TOX2: variants seen among roughly 807,000 people sequenced by gnomAD.
TOX2 encodes TOX high mobility group box family member 2.
Under a neutral mutation model 47.4 loss-of-function variants are expected in TOX2, and 15 were observed. The ratio of observed to expected loss-of-function variants is 0.32; its 90% confidence interval spans 0.21 to 0.49. TOX2 has a LOEUF of 0.49. TOX2 is among the 20% of genes least tolerant of loss of function. TOX2 has a pLI of 0.99. For missense variants in TOX2, 622 were observed against 673.1 expected, an observed-to-expected ratio of 0.92 and a Z score of 0.84; for synonymous variants, 290 against 296.6, an observed-to-expected ratio of 0.98 and a Z score of 0.23.
chr20:43,965,810 A>C (rs1423801510), intron 1 of TOX2, among the ~76,000 whole-genome samples: 1 of 152,196 alleles, frequency 6.6e-6, no homozygotes, highest in Non-Finnish European at 1.5e-5. Flanking sequence ...GAAGAGGCTG[A>C]CCTTGAACAG....
At chr20:43,935,577 A>G (rs985339537) in intron 1 of TOX2, among the ~76,000 whole-genome samples, 2 of 152,162 alleles carry the variant, frequency 1.3e-5, no homozygotes, top group Non-Finnish European at 2.9e-5. Context: ...CCATGTCACA[A>G]ATGGGATACC....
chr20:44,065,524 G>A (rs576411468), intron 6 of TOX2, among the ~76,000 whole-genome samples, 188 bp from the exon 7 acceptor site: 1 of 152,214 alleles, frequency 6.6e-6, no homozygotes, highest in South Asian at 2.1e-4. Flanking sequence ...GATAAAAGCA[G>A]TAGGTGACTG....
chr20:44,051,547 T>C lies in TOX2; in HGVS notation c.651+2T>C, dbSNP rs1281017091. 6.3e-7 allele frequency: 1 copy of C among 1,582,926 alleles called. No homozygotes were observed. The highest frequency in any genetic ancestry group is 1.2e-5 in the South Asian group (1 of 86,678). On this transcript the variant is annotated splice_donor_variant, in intron 4 of 8. Coordinates refer to ENST00000341197, the MANE Select transcript of TOX2 (RefSeq NM_001098797.2). LOFTEE classifies it high-confidence loss of function. ...GAGGAGTCGGAAGTGCATTTCAAGG[T>C]ATGTGCGGTGGAGGAACAGAGCCTG...
rs544815391 is a variant in TOX2 at position 44,057,959 on chromosome 20, A to G, written c.879+3433A>G. The stretch of plus-strand genomic sequence containing the variant: ...CTCATGCTTATTCACATAGCAAGTC[A>G]GAGTTCCAAGAGCAGTTTTAGAGCA... On this transcript the variant is annotated intron_variant, in intron 5 of 8. Coordinates refer to ENST00000341197, the MANE Select transcript of TOX2 (RefSeq NM_001098797.2). Among the ~76,000 whole-genome samples the G allele has an allele frequency of 1.1e-3, 160 of 152,354 alleles. 3 individuals carry two copies. The highest frequency in any genetic ancestry group is 4.8e-3 in the Admixed American group (73 of 15,310).
chr20:44,023,239 G>T (rs2071002993), intron 3 of TOX2, among the ~76,000 whole-genome samples: 1 of 151,990 alleles, frequency 6.6e-6, no homozygotes, highest in Non-Finnish European at 1.5e-5. Context: ...GGCCAGCCTG[G>T]CCAACATGGT....
chr20:44,020,576 AAGAC>A (rs2070959804), intron 3 of TOX2, among the ~76,000 whole-genome samples: 2 of 152,256 alleles, frequency 1.3e-5, no homozygotes, highest in East Asian at 3.8e-4. Context: ...GGGATCCAGC[AAGAC>A]AGACTACTGC....
intron 2 of TOX2, among the ~76,000 whole-genome samples, chr20:43,984,775 A>G (rs1292111209): frequency 2.0e-5 from 3 of 152,100 alleles, no homozygotes; most frequent in African/African-American, 7.2e-5. Flanking sequence ...ATCCCAGGAA[A>G]TGTTCACTCT....
Position 44,051,468 on chromosome 20 carries a change from T to G in TOX2, c.574T>G (p.Ser192Ala), listed in dbSNP as rs2071509641. ...GAGCAGCATCGCCCACAGCTCCCCA[T>G]CACCGCCGGGGAGCAAGTCAGCGAC... ...IRSSIAHSSP[S>A]PPGSKSATPS... Residue 192 changes from serine (S) to alanine (A), a missense_variant, in exon 4 of 9, where the codon TCA becomes GCA. Around this residue, in one of 3 missense-constraint regions of TOX2, gnomAD observed 307 missense variants for 327.3 expected, o/e 0.94. Transcript: ENST00000341197. 3.7e-6 allele frequency: 6 copies of G among 1,613,634 alleles called. No individual in the cohort carries two copies. Among genetic ancestry groups the G allele is most frequent in the Non-Finnish European group, 5.1e-6 (6 of 1,179,766 alleles).
intron 5 of TOX2, 78 bp from the exon 6 acceptor site, chr20:44,064,699 C>A: frequency 1.4e-6 from 2 of 1,383,650 alleles, no homozygotes; most frequent in Non-Finnish European, 2.0e-6. Flanking sequence ...TGAATCCATG[C>A]CTTCCCACCC....
At chr20:43,987,126 A>T (rs541934036) in intron 2 of TOX2, among the ~76,000 whole-genome samples, 80 of 152,322 alleles carry the variant, frequency 5.3e-4, no homozygotes, top group Admixed American at 1.8e-3. Flanking sequence ...CCAAATGCCC[A>T]TCAAGAGTAG....
intron 1 of TOX2, among the ~76,000 whole-genome samples, chr20:43,958,503 G>A (rs2069703694): frequency 6.6e-6 from 1 of 152,116 alleles, no homozygotes; most frequent in African/African-American, 2.4e-5. Flanking sequence ...CTCTCACCTG[G>A]CCTATCTCCA....
At chr20:44,046,586 T>C (rs2071411929) in intron 3 of TOX2, among the ~76,000 whole-genome samples, 1 of 152,214 alleles carries the variant, frequency 6.6e-6, no homozygotes, top group African/African-American at 2.4e-5. Flanking sequence ...AAATGTAGTC[T>C]ATACATACAA....
chr20:43,998,611 A>G (rs2145575506), intron 2 of TOX2, among the ~76,000 whole-genome samples: 1 of 152,274 alleles, frequency 6.6e-6, no homozygotes, highest in East Asian at 1.9e-4. Flanking sequence ...GTAGATTTAT[A>G]TCATTTATTG....
chr20:44,060,408 C>T (rs1476947279), intron 5 of TOX2, among the ~76,000 whole-genome samples: 1 of 152,140 alleles, frequency 6.6e-6, no homozygotes, highest in African/African-American at 2.4e-5. Context: ...ATGGACTTAA[C>T]AGATATTTAT....
At chr20:43,968,111 C>T (rs2069892752) in intron 1 of TOX2, among the ~76,000 whole-genome samples, 2 of 152,162 alleles carry the variant, frequency 1.3e-5, no homozygotes, top group East Asian at 1.9e-4. Flanking sequence ...GCCGATCATC[C>T]GTCTATCCAT....
At chr20:43,962,127 A>G (rs1202559029) in intron 1 of TOX2, among the ~76,000 whole-genome samples, 1 of 152,236 alleles carries the variant, frequency 6.6e-6, no homozygotes, top group African/African-American at 2.4e-5. Context: ...TGGAGCTGAG[A>G]GAGAGGATAA....
intron 1 of TOX2, among the ~76,000 whole-genome samples, chr20:43,958,071 T>C (rs1057317075): frequency 6.6e-6 from 1 of 152,218 alleles, no homozygotes; most frequent in African/African-American, 2.4e-5. Context: ...GGCTTGCAGG[T>C]GGACAGCTTC....
chr20:43,990,115 G>T (rs1339083229), intron 2 of TOX2, among the ~76,000 whole-genome samples: 1 of 152,238 alleles, frequency 6.6e-6, no homozygotes, highest in South Asian at 2.1e-4. Context: ...AATAACACCT[G>T]CCTCATAGAG....
intron 3 of TOX2, among the ~76,000 whole-genome samples, chr20:44,026,998 A>G (rs1040552569): frequency 6.6e-6 from 1 of 152,240 alleles, no homozygotes; most frequent in East Asian, 1.9e-4. Flanking sequence ...TCATAAAAAC[A>G]TGTAAACACG....
Sources: allele counts gnomAD v4.1 joint callset (sites outside exome capture counted in the v4.1 genomes callset), GRCh38; gene constraint gnomAD v4.1.1; regional missense constraint gnomAD v4.1.1; transcripts MANE v1.5; gene names NCBI Gene and HGNC (gene_info 2026-07-23, HGNC 2026-07-21).